Variants in SHROOM2 observed in about 807,000 individuals in gnomAD.
SHROOM2 encodes protein Shroom2.
Under a neutral mutation model 75.9 loss-of-function variants are expected in SHROOM2, and 33 were observed. That is an observed-to-expected ratio of 0.43 (90% CI 0.33 to 0.58). The LOEUF (loss-of-function observed/expected upper bound fraction) is 0.58, where lower values mean the gene tolerates loss of function less well. SHROOM2 is among the 20% of genes least tolerant of loss of function. The pLI is 0.04. For missense variants in SHROOM2, 1,434 were observed against 1,461.2 expected, an observed-to-expected ratio of 0.98 and a Z score of 0.30; for synonymous variants, 655 against 663.6, an observed-to-expected ratio of 0.99 and a Z score of 0.20.
chrX:9,936,445 C>T (rs1384106231), intron 6 of SHROOM2, among the ~76,000 whole-genome samples: 1 of 111,879 alleles, frequency 8.9e-6, no homozygotes, highest in Non-Finnish European at 1.9e-5. Flanking sequence ...AAACTGTGCC[C>T]TTTGGAAGTA....
intron 3 of SHROOM2, 53 bp downstream of exon 3, chrX:9,891,161 A>T: frequency 8.7e-7 from 1 of 1,144,360 alleles, no homozygotes; most frequent in Non-Finnish European, 1.2e-6. Flanking sequence ...TTCTGCAGGG[A>T]GCGCACTCCT....
Position 9,937,189 on chromosome X carries a change from G to C in SHROOM2, c.3643G>C (p.Val1215Leu). ...GGTGAAGATGGTGCCCATCAAGATC[G>C]TGCACTCGGAGAGCCAGCCAGAGAA... ...TTVKMVPIKI[V>L]HSESQPEKES... is the part of the protein sequence containing the mutation. Residue 1215 changes from valine to leucine, a missense_variant, in exon 7 of 10, where the codon GTG (valine) becomes CTG (leucine). Coordinates refer to ENST00000380913, the MANE Select transcript of SHROOM2 (RefSeq NM_001649.4). 8.3e-7 allele frequency: 1 copy of C among 1,203,817 alleles called. No individual in the cohort carries two copies. The highest frequency in any genetic ancestry group is 1.1e-6 in the Non-Finnish European group (1 of 891,589).
At chrX:9,864,041 G>C in intron 1 of SHROOM2, among the ~76,000 whole-genome samples, 1 of 111,111 alleles carries the variant, frequency 9.0e-6, no homozygotes, top group Middle Eastern at 4.6e-3. Context: ...CAGCACCTTT[G>C]GGTGGTGGTT....
At chrX:9,818,704 T>C in intron 1 of SHROOM2, 1 of 434,550 alleles carries the variant, frequency 2.3e-6, no homozygotes, top group East Asian at 4.7e-5. Flanking sequence ...GCCCATGGCT[T>C]TAACATCCAG....
intron 8 of SHROOM2, among the ~76,000 whole-genome samples, chrX:9,943,283 G>A (rs760395503): frequency 5.4e-5 from 6 of 110,828 alleles, no homozygotes; most frequent in South Asian, 7.8e-4. Flanking sequence ...AAGACCTCAC[G>A]CAATCAGGAA....
chrX:9,914,915 G>C (rs1234138340), intron 5 of SHROOM2, among the ~76,000 whole-genome samples: 1 of 111,397 alleles, frequency 9.0e-6, no homozygotes, highest in Non-Finnish European at 1.9e-5. Flanking sequence ...TATTCTCTTA[G>C]TAACTTTCAC....
chrX:9,905,019 A>G (rs906928558), intron 5 of SHROOM2, among the ~76,000 whole-genome samples: 3 of 112,106 alleles, frequency 2.7e-5, no homozygotes, highest in African/African-American at 9.7e-5. Context: ...AGCTAATTAA[A>G]AAAACAAAAA....
At position 9,895,192 on chromosome X, in the gene SHROOM2, C is replaced by G. The variant is rs530009995; in HGVS notation, c.1284C>G (p.His428Gln). The change falls in exon 4 of 10, where the codon CAC becomes CAG. Residue 428 changes from histidine (H) to glutamine (Q), a missense_variant. Physicochemically the swap from His to Gln is conservative, Grantham distance 24. Transcript: ENST00000380913. The stretch of plus-strand genomic sequence containing the variant: ...CTCAGTCTCCTCATAGCGGCCGACA[C>G]CCTCCCCTATACAGCGACCACAGCC... ...RFPQSPHSGR[H>Q]PPLYSDHSPL... The G allele has an allele frequency of 2.1e-5, 26 of 1,210,036 alleles. No homozygotes were observed. The South Asian group carries it at 3.9e-4, about 18-fold the overall frequency.
At chrX:9,914,228 T>C (rs1209202855) in intron 5 of SHROOM2, among the ~76,000 whole-genome samples, 1 of 108,710 alleles carries the variant, frequency 9.2e-6, no homozygotes, top group African/African-American at 3.4e-5. Flanking sequence ...GTGTCAAGCA[T>C]ATAGGCTGCG....
intron 7 of SHROOM2, among the ~76,000 whole-genome samples, chrX:9,938,119 C>T (rs759253217): frequency 3.8e-4 from 42 of 110,815 alleles, no homozygotes; most frequent in African/African-American, 1.3e-3. Context: ...GGGCCCCCCC[C>T]ACAGAGAGTC....
chrX:9,822,914 C>A (rs768775446), intron 1 of SHROOM2, among the ~76,000 whole-genome samples: 2 of 111,644 alleles, frequency 1.8e-5, no homozygotes, highest in South Asian at 7.6e-4. Flanking sequence ...CTTCAATGCA[C>A]TGTCCTAACT....
intron 2 of SHROOM2, among the ~76,000 whole-genome samples, chrX:9,878,149 C>T (rs1415504431): frequency 1.8e-5 from 2 of 111,765 alleles, no homozygotes; most frequent in Non-Finnish European, 1.9e-5. Context: ...GGCTTTTTCC[C>T]CAAATATGCA....
intron 1 of SHROOM2, among the ~76,000 whole-genome samples, chrX:9,790,899 A>G (rs2083644006): frequency 9.0e-6 from 1 of 110,796 alleles, no homozygotes; most frequent in Admixed American, 9.8e-5. Context: ...GGAGTCAGGC[A>G]GTGAGCCTCA....
Position 9,895,539 on chromosome X carries a change from GC to G in SHROOM2, c.1632del (p.Cys545AlafsTer46). ...TACCCGCTGGACAAAGGGGCCGAGG[GC>G]TGCTCCGCGGGAGCCCAGGAGCCTC... ...RCYPLDKGAE[G>X]CSAGAQEPPR... is the part of the protein sequence containing the mutation. On this transcript the variant is annotated frameshift_variant, in exon 4 of 10. Transcript: ENST00000380913. LOFTEE classifies it high-confidence loss of function. 8.4e-7 allele frequency: 1 copy of G among 1,185,661 alleles called. No individual in the cohort carries two copies. Among genetic ancestry groups the G allele is most frequent in the Non-Finnish European group, 1.1e-6 (1 of 883,664 alleles).
chrX:9,943,040 A>C (rs2084785704), intron 8 of SHROOM2, among the ~76,000 whole-genome samples: 1 of 110,170 alleles, frequency 9.1e-6, no homozygotes, highest in Non-Finnish European at 1.9e-5. Context: ...CAGCCTGGGC[A>C]ACATGGAGAG....
intron 5 of SHROOM2, among the ~76,000 whole-genome samples, chrX:9,924,499 G>A (rs184653205): frequency 1.8e-5 from 2 of 111,458 alleles, no homozygotes; most frequent in Non-Finnish European, 3.8e-5. Flanking sequence ...GGGACTAAAG[G>A]TGCCCACCAC....
chrX:9,807,784 A>C (rs1041743191), intron 1 of SHROOM2, among the ~76,000 whole-genome samples: 4 of 112,056 alleles, frequency 3.6e-5, no homozygotes, highest in Non-Finnish European at 5.6e-5. Context: ...CCCTTCTGTG[A>C]TCCTCCCTGA....
intron 1 of SHROOM2, among the ~76,000 whole-genome samples, chrX:9,806,392 AATAT>A (rs2083752121): frequency 9.1e-6 from 1 of 109,365 alleles, no homozygotes; most frequent in African/African-American, 3.3e-5. Context: ...ATATAATATT[AATAT>A]ATATAAAATA....
chrX:9,930,380 T>C (rs2084636283), intron 5 of SHROOM2, among the ~76,000 whole-genome samples: 1 of 109,429 alleles, frequency 9.1e-6, no homozygotes, highest in African/African-American at 3.3e-5. Context: ...CTGGGTGTGG[T>C]GGTGCACACC....
Sources: gnomAD v4.1 joint callset for allele counts (sites outside exome capture counted in the v4.1 genomes callset) on GRCh38, gnomAD v4.1.1 for gene constraint, MANE v1.5 for transcripts, NCBI Gene and HGNC (gene_info 2026-07-23, HGNC 2026-07-21) for gene names.